NAA11: variants seen among roughly 807,000 people sequenced by gnomAD.
NAA11 encodes the protein N-alpha-acetyltransferase 11.
Under a neutral mutation model 16.1 loss-of-function variants are expected in NAA11, and 15 were observed. The observed-to-expected ratio is 0.93, with a 90% CI of 0.62 to 1.44. The LOEUF is 1.44. Among genes scored for constraint, NAA11 ranks in the 40% most tolerant of loss-of-function variants. NAA11 has a pLI of 0.00. For missense variants in NAA11, 298 were observed against 291.3 expected (o/e 1.02, Z -0.17); for synonymous variants, 122 against 112.4 (o/e 1.09, Z -0.54).
At chr4:79,222,125 T>C (rs1426209056), downstream of NAA11, among the ~76,000 whole-genome samples, 7 of 151,894 alleles carry the variant, frequency 4.6e-5, no homozygotes, top group Non-Finnish European at 1.0e-4. Context: ...TGTCCAGGAA[T>C]GTATCCATTT....
chr4:79,214,274 A>G, the NAA11 span, among the ~76,000 whole-genome samples: 2 of 152,218 alleles, frequency 1.3e-5, no homozygotes, highest in Admixed American at 1.3e-4. Flanking sequence ...TGTTAATGCA[A>G]TGGAGACCAA....
chr4:79,223,501 G>T (rs375008165), downstream of NAA11, among the ~76,000 whole-genome samples: 2 of 116,140 alleles, frequency 1.7e-5, no homozygotes, highest in South Asian at 7.1e-4. Context: ...GTTGTGGGGT[G>T]GGGGGAGGGG....
the NAA11 span, among the ~76,000 whole-genome samples, chr4:79,182,319 G>T: frequency 6.6e-6 from 1 of 152,168 alleles, no homozygotes; most frequent in African/African-American, 2.4e-5. Flanking sequence ...CAGGCCAAAG[G>T]GTGAGAATGT....
At chr4:79,270,084 C>T (rs1391448200) in intron 2 of NAA11, among the ~76,000 whole-genome samples, 4 of 150,462 alleles carry the variant, frequency 2.7e-5, no homozygotes, top group Non-Finnish European at 5.9e-5. Flanking sequence ...GGTACCAGTA[C>T]CATGCTGTTT....
chr4:79,313,517 C>T (rs1032505071), downstream of NAA11, among the ~76,000 whole-genome samples: 2 of 152,122 alleles, frequency 1.3e-5, no homozygotes, highest in African/African-American at 4.8e-5. Flanking sequence ...GGTGATGACA[C>T]CATTCCAAAG....
At chr4:79,206,318 T>G in the NAA11 span, among the ~76,000 whole-genome samples, 1 of 152,156 alleles carries the variant, frequency 6.6e-6, no homozygotes, top group Middle Eastern at 3.4e-3. Flanking sequence ...TGTTAAGATA[T>G]GCCACCTCCT....
the NAA11 span, among the ~76,000 whole-genome samples, chr4:79,180,908 G>T: frequency 1.3e-5 from 2 of 152,112 alleles, no homozygotes; most frequent in African/African-American, 2.4e-5. Flanking sequence ...CCATAAAAAA[G>T]GATGAGTTCA....
At chr4:79,265,740 C>T (rs747848920) in intron 2 of NAA11, among the ~76,000 whole-genome samples, 7 of 151,082 alleles carry the variant, frequency 4.6e-5, no homozygotes, top group Non-Finnish European at 8.9e-5. Context: ...CCCTGCCTCA[C>T]TCTCTTATCC....
intron 1 of NAA11, among the ~76,000 whole-genome samples, chr4:79,318,964 C>A (rs1342353298): frequency 6.6e-6 from 1 of 151,594 alleles, no homozygotes. Context: ...GTCACCCAGA[C>A]TGGAGCACAG....
the NAA11 span, among the ~76,000 whole-genome samples, chr4:79,220,267 A>G: frequency 6.6e-6 from 1 of 152,066 alleles, no homozygotes; most frequent in Non-Finnish European, 1.5e-5. Flanking sequence ...TAATTTTTGT[A>G]TTTTTAGTAG....
chr4:79,273,349 G>C (rs1295714685), intron 2 of NAA11, among the ~76,000 whole-genome samples: 2 of 151,924 alleles, frequency 1.3e-5, no homozygotes, highest in Non-Finnish European at 2.9e-5. Flanking sequence ...TAAAATCCAT[G>C]CACTAAAAAA....
At chr4:79,178,067 A>G in the NAA11 span, among the ~76,000 whole-genome samples, 11 of 152,304 alleles carry the variant, frequency 7.2e-5, no homozygotes, top group Admixed American at 3.3e-4. Flanking sequence ...ATGAAGCAAG[A>G]TATCTTTTGA....
At chr4:79,222,860 A>G (rs1245248028), downstream of NAA11, among the ~76,000 whole-genome samples, 1 of 152,142 alleles carries the variant, frequency 6.6e-6, no homozygotes, top group Non-Finnish European at 1.5e-5. Context: ...TTCTCAAAAG[A>G]AGACATCTAT....
chr4:79,259,985 A>G (rs1233945306), intron 2 of NAA11, among the ~76,000 whole-genome samples: 2 of 152,196 alleles, frequency 1.3e-5, no homozygotes, highest in Admixed American at 1.3e-4. Context: ...TTGAGAGTGC[A>G]TAGAGTCCAA....
rs771241226 is a variant in NAA11, at chr4:79,325,423, G to A, written c.455C>T (p.Ser152Leu). Residue 152 changes from serine (S) to leucine (L), a missense_variant, in exon 1 of 2, where the codon TCG becomes TTG. Ser to Leu is a moderately radical substitution (Grantham distance 145, BLOSUM62 -2). Transcript: ENST00000286794. ...TCGTCTCAGCTCATCTGCCATCTGC[G>A]AGAGATCCCGCTTCATAGCATAAGC... ...EDAYAMKRDL[S>L]QMADELRRQM... 4.3e-6 allele frequency: 7 copies of A among 1,614,148 alleles called. No individual in the cohort carries two copies. Among genetic ancestry groups the A allele is most frequent in the African/African-American group, 1.3e-5 (1 of 75,022 alleles).
At chr4:79,268,384 A>G (rs1399428787) in intron 2 of NAA11, among the ~76,000 whole-genome samples, 1 of 152,124 alleles carries the variant, frequency 6.6e-6, no homozygotes, top group Non-Finnish European at 1.5e-5. Context: ...ATTGAGGGTA[A>G]AGTTACGAGA....
At chr4:79,199,822 AAT>A in the NAA11 span, among the ~76,000 whole-genome samples, 1 of 151,832 alleles carries the variant, frequency 6.6e-6, no homozygotes, top group African/African-American at 2.4e-5. Context: ...TAAAGTCTGA[AAT>A]AGTCTTTTAT....
the NAA11 span, among the ~76,000 whole-genome samples, chr4:79,213,544 T>C: frequency 7.8e-6 from 1 of 127,448 alleles, no homozygotes; most frequent in East Asian, 2.5e-4. Context: ...TTACATTTTA[T>C]ATGACTCATA....
chr4:79,313,715 T>C (rs1723849816), downstream of NAA11, among the ~76,000 whole-genome samples: 2 of 152,178 alleles, frequency 1.3e-5, no homozygotes, highest in South Asian at 4.1e-4. Context: ...CAAAGACGCA[T>C]TCATGTCTAG....
Sources: allele counts gnomAD v4.1 joint callset (sites outside exome capture counted in the v4.1 genomes callset), GRCh38; gene constraint gnomAD v4.1.1; transcripts MANE v1.5; gene names NCBI Gene and HGNC (gene_info 2026-07-23, HGNC 2026-07-21).